Variants in ABI2 observed in about 807,000 individuals in gnomAD.
ABI2 encodes the protein abelson interactor 2.
ABI2 carries 25 observed loss-of-function variants against 59.2 expected under a neutral mutation model. The observed-to-expected ratio is 0.42, with a 90% CI of 0.31 to 0.59. The LOEUF (loss-of-function observed/expected upper bound fraction) is 0.59. Ranked by LOEUF, ABI2 falls within the 20% of genes least tolerant of loss-of-function variation. The pLI is 0.14. For synonymous variants in ABI2, 213 were observed against 235.5 expected, an observed-to-expected ratio of 0.90 and a Z score of 0.87; for missense variants, 545 against 681.8, an observed-to-expected ratio of 0.80 and a Z score of 2.23.
chr2:203,348,762 G>A (rs192990666), intron 1 of ABI2, among the ~76,000 whole-genome samples: 85 of 151,934 alleles, frequency 5.6e-4, no homozygotes, highest in Admixed American at 5.2e-3. Flanking sequence ...ATGTACAGCC[G>A]CCTCCATTAT....
At chr2:203,399,916 G>A (rs2097152140) in intron 8 of ABI2, among the ~76,000 whole-genome samples, 1 of 151,934 alleles carries the variant, frequency 6.6e-6, no homozygotes, top group South Asian at 2.1e-4. Context: ...GTGCTTTGAT[G>A]GCATATCTAA....
At chr2:203,365,972 A>T (rs1046575946) in intron 1 of ABI2, among the ~76,000 whole-genome samples, 1 of 151,474 alleles carries the variant, frequency 6.6e-6, no homozygotes, top group Non-Finnish European at 1.5e-5. Context: ...TTGTATTTTT[A>T]TCTTTGTTTA....
In ABI2 at chr2:203,431,821, A is replaced by G. The variant is rs373187732; in HGVS notation, c.*4469A>G. The G allele has an allele frequency of 2.7e-4, 41 of 152,354 alleles. No individual in the cohort carries two copies. The South Asian group carries it at 8.1e-3, about 30-fold the overall frequency. The allele number at this position is 152,354 out of a possible 1,614,324, so 9.4% of individuals were successfully genotyped here. ...AACAAAAAAAGCTTATTTTCACATT[A>G]AAATGAAACCTCTTTTGCAACTTAA... On this transcript the variant is annotated 3_prime_UTR_variant, in exon 12 of 12. Transcript: ENST00000261018.
intron 1 of ABI2, among the ~76,000 whole-genome samples, chr2:203,333,490 C>G (rs1329066187): frequency 6.6e-6 from 1 of 151,832 alleles, no homozygotes; most frequent in African/African-American, 2.4e-5. Flanking sequence ...CTTAGAATAC[C>G]TAGAATGAAG....
chr2:203,340,290 G>A (rs1212531757), intron 1 of ABI2, among the ~76,000 whole-genome samples: 2 of 152,198 alleles, frequency 1.3e-5, no homozygotes, highest in Admixed American at 6.5e-5. Context: ...GTTATAGGAT[G>A]AATGTGTTTT....
At chr2:203,389,746 A>T (rs1405378170) in intron 4 of ABI2, among the ~76,000 whole-genome samples, 4 of 152,242 alleles carry the variant, frequency 2.6e-5, no homozygotes, top group Non-Finnish European at 5.9e-5. Flanking sequence ...TGTGTGGTGA[A>T]CATTAACCCA....
intron 10 of ABI2, 39 bp from the exon 11 acceptor site, chr2:203,416,869 A>G (rs760376765): frequency 1.9e-6 from 3 of 1,552,612 alleles, no homozygotes; most frequent in East Asian, 2.3e-5. Context: ...TGAACTTTGC[A>G]TAACATATAG....
intron 2 of ABI2, chr2:203,376,172 T>G (rs1485082955): frequency 1.9e-5 from 28 of 1,457,546 alleles, no homozygotes; most frequent in Non-Finnish European, 2.4e-5. Flanking sequence ...TATAGATCTT[T>G]GGTTCTCAAC....
intron 1 of ABI2, among the ~76,000 whole-genome samples, chr2:203,358,427 TGTGAGCCACCACAGCCAGCCA>T (rs1475107950): frequency 6.6e-6 from 1 of 152,108 alleles, no homozygotes; most frequent in Non-Finnish European, 1.5e-5. Flanking sequence ...GGATTACAGG[TGTGAGCCACCACAGCCAGCCA>T]GAAATGTAGT....
chr2:203,371,933 A>T (rs1048678212), intron 2 of ABI2, among the ~76,000 whole-genome samples: 4 of 151,148 alleles, frequency 2.6e-5, no homozygotes, highest in East Asian at 1.9e-4. Context: ...TATTTTATTT[A>T]TTTATTTATT....
chr2:203,382,260 A>G, intron 4 of ABI2, 54 bp downstream of exon 4: 1 of 1,408,648 alleles, frequency 7.1e-7, no homozygotes. Context: ...AGAATATTAC[A>G]TATGGGGAGT....
At position 203,368,715 on chromosome 2, in the gene ABI2, T is replaced by TA. The variant is rs898214542; in HGVS notation, c.285+1680dup. Among the ~76,000 whole-genome samples the TA allele has an allele frequency of 2.0e-4, 30 of 151,322 alleles. No individual in the cohort carries two copies. The Middle Eastern group carries it at 0.01, about 52-fold the overall frequency. On this transcript the variant is annotated intron_variant, in intron 2 of 11. Transcript: ENST00000261018. The stretch of plus-strand genomic sequence containing the variant: ...GCTTGTTATATTGTGTATCTTAAGT[T>TA]AAAAAAAAATTGGTGCGTTTTAATG...
intron 1 of ABI2, among the ~76,000 whole-genome samples, chr2:203,347,864 A>C (rs1039338537): frequency 6.6e-6 from 1 of 152,180 alleles, no homozygotes; most frequent in Admixed American, 6.5e-5. Flanking sequence ...AACCTTTTGT[A>C]ATGTTTTCAG....
intron 2 of ABI2, among the ~76,000 whole-genome samples, chr2:203,377,609 ACTAAACTTTATTC>A (rs1187256726): frequency 1.3e-5 from 2 of 152,182 alleles, no homozygotes; most frequent in Non-Finnish European, 2.9e-5. Context: ...AGAATGACTC[ACTAAACTTTATTC>A]AAGGCCAGTA....
intron 9 of ABI2, among the ~76,000 whole-genome samples, chr2:203,404,387 A>G (rs1339054578): frequency 5.9e-5 from 9 of 152,168 alleles, no homozygotes; most frequent in East Asian, 3.9e-4. Context: ...CTTCCCTTCT[A>G]TCTTTTATCA....
chr2:203,413,345 T>C (rs1226665412), intron 10 of ABI2, among the ~76,000 whole-genome samples: 1 of 152,326 alleles, frequency 6.6e-6, no homozygotes, highest in Middle Eastern at 3.4e-3. Context: ...GCTGCAAGCT[T>C]TGTAGAAACA....
intron 11 of ABI2, among the ~76,000 whole-genome samples, chr2:203,418,189 G>C (rs1224968919): frequency 6.6e-6 from 1 of 152,232 alleles, no homozygotes; most frequent in Non-Finnish European, 1.5e-5. Context: ...GGAGATGTGA[G>C]AGGAAAAAGA....
chr2:203,413,774 A>G (rs981330054), intron 10 of ABI2, among the ~76,000 whole-genome samples: 33 of 152,320 alleles, frequency 2.2e-4, no homozygotes, highest in Admixed American at 6.5e-4. Context: ...AATTCTTTGG[A>G]ATTATCTTCA....
chr2:203,402,166 C>G (rs901355415), intron 8 of ABI2, among the ~76,000 whole-genome samples: 9 of 152,072 alleles, frequency 5.9e-5, no homozygotes, highest in African/African-American at 2.2e-4. Flanking sequence ...TCCCGAGTAG[C>G]TGGAATTACA....
Sources: gnomAD v4.1 joint callset for allele counts (sites outside exome capture counted in the v4.1 genomes callset) on GRCh38, gnomAD v4.1.1 for gene constraint, MANE v1.5 for transcripts, NCBI Gene and HGNC (gene_info 2026-07-23, HGNC 2026-07-21) for gene names.